WDFY2: variants seen among roughly 807,000 people sequenced by gnomAD.
WDFY2 encodes WD repeat and FYVE domain-containing protein 2.
In WDFY2, 36 loss-of-function variants were observed where a neutral mutation model predicts 56.4. The observed-to-expected ratio is 0.64, with a 90% confidence interval of 0.49 to 0.84. WDFY2 has a LOEUF of 0.84. Among genes scored for constraint, WDFY2 ranks in the 40% least tolerant of loss-of-function variants. The pLI is 0.00. For synonymous variants in WDFY2, 176 were observed against 183.7 expected (o/e 0.96, Z 0.34); for missense variants, 444 against 512.2 (o/e 0.87, Z 1.29).
Position 51,758,172 on chromosome 13 carries a change from GCTTT to G in WDFY2, c.1065-15_1065-12del, listed in dbSNP as rs775222071. 6.5e-7 allele frequency: 1 copy of G among 1,532,138 alleles called. No individual in the cohort carries two copies. Among genetic ancestry groups the G allele is most frequent in the African/African-American group, 1.4e-5 (1 of 73,934 alleles). 94.9% of individuals were successfully genotyped at this position (1,532,138 alleles called of 1,614,324 possible). A position where few individuals can be genotyped will look rare whatever the true frequency, so the allele number is the denominator to read the frequency against. On this transcript the variant is annotated splice_polypyrimidine_tract_variant and intron_variant, in intron 10 of 11. Transcript: ENST00000298125. ...ATGTCACCACCTTTTCCCCTCAGAAGCTTTCTTTGCTCCTTCTAGACGTGCACCC... is the reference window on the plus strand; with the variant it reads ...ATGTCACCACCTTTTCCCCTCAGAAGCTTTGCTCCTTCTAGACGTGCACCC...
intron 6 of WDFY2, among the ~76,000 whole-genome samples, chr13:51,738,588 T>C (rs919576100): frequency 2.0e-5 from 3 of 152,224 alleles, no homozygotes; most frequent in African/African-American, 7.2e-5. Context: ...AACATAATTT[T>C]AAATTCTGAT....
chr13:51,614,151 A>T (rs1593879533), intron 1 of WDFY2, among the ~76,000 whole-genome samples: 1 of 139,502 alleles, frequency 7.2e-6, no homozygotes, highest in South Asian at 2.3e-4. Context: ...GTGCCACTGC[A>T]CCCCAGCCTG....
intron 1 of WDFY2, chr13:51,586,035 A>G (rs554641405): frequency 5.0e-6 from 2 of 398,568 alleles, no homozygotes; most frequent in Admixed American, 8.8e-5. Context: ...ATCCAATGGA[A>G]AACATTGTAA....
chr13:51,722,301 A>G (rs1231002545), intron 5 of WDFY2, among the ~76,000 whole-genome samples: 1 of 152,100 alleles, frequency 6.6e-6, no homozygotes, highest in Non-Finnish European at 1.5e-5. Context: ...GTCTTAGTGG[A>G]GAAGTAAATA....
At chr13:51,651,964 T>C (rs1176616671) in intron 1 of WDFY2, among the ~76,000 whole-genome samples, 1 of 152,212 alleles carries the variant, frequency 6.6e-6, no homozygotes, top group Admixed American at 6.5e-5. Flanking sequence ...TTGTTAACTT[T>C]CTGTCTCGTT....
In WDFY2 at chr13:51,763,849, C is replaced by T. The variant is rs953936443; in HGVS notation, c.*4080C>T. ...GCCTGATATTAATCACTTCTTAAGGCCCAAATTTTTGTTTTTAAGCAAAAG... is the reference window on the plus strand; with the variant it reads ...GCCTGATATTAATCACTTCTTAAGGTCCAAATTTTTGTTTTTAAGCAAAAG... On this transcript the variant is annotated 3_prime_UTR_variant, in exon 12 of 12. Transcript: ENST00000298125. 1.3e-5 allele frequency: 2 copies of T among 152,128 alleles called. No homozygotes were observed. Among genetic ancestry groups the T allele is most frequent in the African/African-American group, 4.8e-5 (2 of 41,414 alleles). 9.4% of individuals were successfully genotyped at this position (152,128 alleles called of 1,614,324 possible).
At chr13:51,744,188 A>G (rs1953041307) in intron 7 of WDFY2, among the ~76,000 whole-genome samples, 1 of 152,202 alleles carries the variant, frequency 6.6e-6, no homozygotes. Flanking sequence ...CATATAGGAG[A>G]GTGAGATCTC....
intron 5 of WDFY2, among the ~76,000 whole-genome samples, chr13:51,719,958 T>G (rs959458925): frequency 2.0e-5 from 3 of 152,208 alleles, no homozygotes; most frequent in Admixed American, 2.0e-4. Context: ...TTGCTGATGC[T>G]GGGTAATGCT....
intron 1 of WDFY2, among the ~76,000 whole-genome samples, chr13:51,643,357 T>C (rs1003530623): frequency 2.6e-5 from 4 of 152,234 alleles, no homozygotes; most frequent in African/African-American, 9.6e-5. Context: ...GAATCACTGC[T>C]CTTTCCATTT....
intron 1 of WDFY2, among the ~76,000 whole-genome samples, chr13:51,599,896 CA>C (rs755365759): frequency 8.2e-4 from 115 of 139,644 alleles, no homozygotes; most frequent in African/African-American, 1.8e-3. Flanking sequence ...AACAAACAAA[CA>C]AAAAAAAAAA....
chr13:51,668,198 T>G (rs1955747347), intron 2 of WDFY2, among the ~76,000 whole-genome samples: 1 of 152,110 alleles, frequency 6.6e-6, no homozygotes, highest in South Asian at 2.1e-4. Context: ...TCATTTTTAT[T>G]GGAAATGAAG....
At position 51,616,452 on chromosome 13, in the gene WDFY2, G is replaced by A. The variant is rs569728911; in HGVS notation, c.137+31628G>A. On this transcript the variant is annotated intron_variant, in intron 1 of 11. Transcript: ENST00000298125. ...CCTAGTACTCACCTGCATCAGTCAG[G>A]ATAGGCTAGGTTAAATTGCAATAAC... 3.9e-5 allele frequency among the ~76,000 whole-genome samples: 6 copies of A among 152,240 alleles called. No individual in the cohort carries two copies. In the South Asian group the frequency reaches 1.2e-3, roughly 32 times the overall value.
intron 4 of WDFY2, among the ~76,000 whole-genome samples, chr13:51,714,904 A>C (rs1477347295): frequency 2.6e-5 from 4 of 152,238 alleles, no homozygotes; most frequent in African/African-American, 9.6e-5. Flanking sequence ...CTAGGCTTGC[A>C]CACCTGTACA....
chr13:51,755,264 C>T, intron 8 of WDFY2, 94 bp from the exon 9 acceptor site: 1 of 1,171,936 alleles, frequency 8.5e-7, no homozygotes, highest in Non-Finnish European at 1.3e-6. Context: ...CTTTTAAACA[C>T]ATCCTGATAG....
intron 1 of WDFY2, among the ~76,000 whole-genome samples, chr13:51,595,036 G>A (rs949495797): frequency 6.6e-6 from 1 of 152,050 alleles, no homozygotes; most frequent in African/African-American, 2.4e-5. Context: ...TTATAGAAGG[G>A]CGAGGTTAAC....
At chr13:51,708,591 AAGC>A (rs1048752893) in intron 4 of WDFY2, among the ~76,000 whole-genome samples, 7 of 152,132 alleles carry the variant, frequency 4.6e-5, no homozygotes, top group African/African-American at 1.7e-4. Flanking sequence ...TAAAAAAAAA[AAGC>A]AGACTAAGAG....
chr13:51,588,241 G>C (rs1032303779), intron 1 of WDFY2: 1 of 152,198 alleles, frequency 6.6e-6, no homozygotes, highest in Non-Finnish European at 1.5e-5. Flanking sequence ...CTTCCTTTCA[G>C]ACATCTCTGC....
At chr13:51,609,255 T>C (rs1954443891) in intron 1 of WDFY2, among the ~76,000 whole-genome samples, 2 of 152,332 alleles carry the variant, frequency 1.3e-5, no homozygotes, top group Middle Eastern at 3.4e-3. Flanking sequence ...CCTCTACTGA[T>C]CACAACTCCC....
At position 51,683,308 on chromosome 13, in the gene WDFY2, G is replaced by T. The variant is rs372474872; in HGVS notation, c.279+8065G>T. On this transcript the variant is annotated intron_variant, in intron 3 of 11. Transcript: ENST00000298125. ...TGGTCCTACAACTTTTAAAATCAAC[G>T]ATAGGAATCAGTCCTGTTGGTATCA... Among the ~76,000 whole-genome samples the T allele has an allele frequency of 5.3e-5, 8 of 152,350 alleles. No individual in the cohort carries two copies. In the East Asian group the frequency reaches 1.3e-3, roughly 26 times the overall value.
Sources: allele counts gnomAD v4.1 joint callset (sites outside exome capture counted in the v4.1 genomes callset), GRCh38; gene constraint gnomAD v4.1.1; transcripts MANE v1.5; gene names NCBI Gene and HGNC (gene_info 2026-07-23, HGNC 2026-07-21).